AHCTF1: variants seen among roughly 807,000 people sequenced by gnomAD.
AHCTF1 encodes the protein protein ELYS.
AHCTF1 carries 24 observed loss-of-function variants against 248.4 expected under a neutral mutation model. The ratio of observed to expected loss-of-function variants is 0.10; its 90% CI spans 0.07 to 0.14. AHCTF1 has a LOEUF of 0.14. Ranked by LOEUF, AHCTF1 falls within the 10% of genes least tolerant of loss-of-function variation. The pLI is 1.00. For missense variants in AHCTF1, 2,206 were observed against 2,636.2 expected (o/e 0.84, Z 3.57); for synonymous variants, 786 against 929.8 (o/e 0.85, Z 2.81).
chr1:246,839,123 A>T lies in AHCTF1; in HGVS notation c.*1683T>A, dbSNP rs1342251272. ...TTTTAATGAGCAGTGTTTTTATTCA[A>T]GCTATATAAAGACATTTATACGTAA... On this transcript the variant is annotated 3_prime_UTR_variant, in exon 36 of 36. Coordinates refer to ENST00000648844, the MANE Select transcript of AHCTF1 (RefSeq NM_001323342.2). The T allele has an allele frequency of 2.0e-5, 3 of 152,248 alleles. No homozygotes were observed. Among genetic ancestry groups the T allele is most frequent in the Non-Finnish European group, 4.4e-5 (3 of 68,038 alleles). 9.4% of individuals were successfully genotyped at this position (152,248 alleles called of 1,614,324 possible).
At chr1:246,852,963 A>AT (rs1660823147) in intron 32 of AHCTF1, 128 bp downstream of exon 32, 1 of 669,444 alleles carries the variant, frequency 1.5e-6, no homozygotes. Flanking sequence ...TTGAACCCAT[A>AT]TTTTTATAAA....
At chr1:246,899,873 G>A (rs1664871620) in intron 10 of AHCTF1, among the ~76,000 whole-genome samples, 192 bp downstream of exon 10, 1 of 148,122 alleles carries the variant, frequency 6.8e-6, no homozygotes, top group African/African-American at 2.6e-5. Context: ...ATATCTCCAA[G>A]TCATAATTCC....
chr1:246,851,830 T>A (rs1660738617), intron 32 of AHCTF1: 1 of 171,336 alleles, frequency 5.8e-6, no homozygotes, highest in Non-Finnish European at 1.3e-5. Flanking sequence ...TTTAATGGTA[T>A]TCCCCAAATT....
intron 1 of AHCTF1, among the ~76,000 whole-genome samples, chr1:246,922,709 G>A (rs1194105870): frequency 4.6e-5 from 7 of 150,920 alleles, no homozygotes; most frequent in East Asian, 4.0e-4. Context: ...TAGGCTGGGC[G>A]CAGTGGCTCA....
At chr1:246,895,702 T>C in intron 13 of AHCTF1, 133 bp downstream of exon 13, 1 of 710,404 alleles carries the variant, frequency 1.4e-6, no homozygotes, top group Non-Finnish European at 2.3e-6. Context: ...GTGGGATCTC[T>C]CTATTGCATC....
At chr1:246,889,921 CTT>C (rs751945332) in intron 17 of AHCTF1, 43 bp downstream of exon 17, 14 of 1,440,658 alleles carry the variant, frequency 9.7e-6, no homozygotes, top group African/African-American at 1.4e-5. Context: ...TTCTGAGAAA[CTT>C]TGACTTCTTA....
rs763889081 is a variant in AHCTF1, at chr1:246,850,897, G to A, written c.5109C>T (p.Asn1703=). The A allele has an allele frequency of 1.1e-5, 17 of 1,613,838 alleles. No homozygotes were observed. Among genetic ancestry groups the A allele is most frequent in the Non-Finnish European group, 1.4e-5 (16 of 1,179,874 alleles). Residue 1703 remains asparagine (N), a synonymous_variant, in exon 33 of 36, where the codon AAC becomes AAT. Coordinates refer to ENST00000648844, the MANE Select transcript of AHCTF1 (RefSeq NM_001323342.2). Reference sequence around the variant, plus strand: ...TGACCAATTTAGTGGGACACATTATGTTTTGGCTCACTAAAGGTATTGTTT... The same window carrying A: ...TGACCAATTTAGTGGGACACATTATATTTTGGCTCACTAAAGGTATTGTTT... ...IHETIPLVSQ[N]IMCPTKLVKS...
At chr1:246,914,397 T>G (rs1666006042) in intron 3 of AHCTF1, among the ~76,000 whole-genome samples, 1 of 152,166 alleles carries the variant, frequency 6.6e-6, no homozygotes, top group South Asian at 2.1e-4. Flanking sequence ...TTAAAAAGAC[T>G]AAAAGTTGTT....
chr1:246,843,340 CAAGGAATTTGCCTGAATTATTCTT>C (rs1279643218), intron 34 of AHCTF1, among the ~76,000 whole-genome samples: 1 of 152,230 alleles, frequency 6.6e-6, no homozygotes, highest in African/African-American at 2.4e-5. Context: ...GCCTGACAGA[CAAGGAATTTGCCTGAATTATTCTT>C]GTGTAATTTG....
intron 11 of AHCTF1, among the ~76,000 whole-genome samples, chr1:246,898,950 G>C (rs993544802): frequency 2.6e-5 from 4 of 152,142 alleles, no homozygotes; most frequent in Non-Finnish European, 5.9e-5. Flanking sequence ...TTAGCCGGGC[G>C]TGGTGGTGAG....
intron 4 of AHCTF1, among the ~76,000 whole-genome samples, chr1:246,911,923 C>G (rs985396409): frequency 6.6e-6 from 1 of 151,874 alleles, no homozygotes; most frequent in African/African-American, 2.4e-5. Flanking sequence ...GTTTTTATCA[C>G]TTGCAGTTTT....
chr1:246,919,285 C>A (rs1188912196), intron 1 of AHCTF1, among the ~76,000 whole-genome samples: 6 of 152,160 alleles, frequency 3.9e-5, no homozygotes. Flanking sequence ...TAAAGGTGAG[C>A]AAGAACAATA....
Position 246,840,988 on chromosome 1 carries a change from T to C in AHCTF1, c.6619A>G (p.Lys2207Glu), listed in dbSNP as rs1438700851. ...KTKQASKNTE[K>E]ESAWSPPPIE... ...GGAGGAGGTGACCAAGCACTTTCTT[T>C]TTCTGTGTTTCTGAAAAAAAAAGAT... is the stretch of plus-strand genomic sequence containing the variant. Residue 2207 changes from lysine (K) to glutamate (E), a missense_variant, in exon 36 of 36, where the codon AAA becomes GAA. Physicochemically the swap from Lys to Glu is moderately conservative, Grantham distance 56. This residue lies in a region of AHCTF1 where 469 missense variants were observed against 470.0 expected (regional missense o/e 1.00). Coordinates refer to ENST00000648844, the MANE Select transcript of AHCTF1 (RefSeq NM_001323342.2). The C allele has an allele frequency of 1.0e-5, 16 of 1,598,654 alleles. No individual in the cohort carries two copies. Among genetic ancestry groups the C allele is most frequent in the Non-Finnish European group, 1.4e-5 (16 of 1,176,164 alleles).
rs566965571 is a variant in AHCTF1, at chr1:246,848,453, G to GGCCTCCCA, written c.6391+1154_6391+1161dup. Among the ~76,000 whole-genome samples, 622 of 151,784 alleles carry GGCCTCCCA rather than the reference G, an allele frequency of 4.1e-3. 6 individuals are homozygous for GGCCTCCCA. Among genetic ancestry groups the GGCCTCCCA allele is most frequent in the African/African-American group, 0.014 (591 of 41,426 alleles). On this transcript the variant is annotated intron_variant, in intron 33 of 35. Transcript: ENST00000648844. ...CCTGATCTCGTGATCCACCCGCCTT[G>GGCCTCCCA]GCCTCCCAAAGTGCTGGGATTACAG...
chr1:246,875,044 T>C (rs768731649), intron 24 of AHCTF1, among the ~76,000 whole-genome samples: 5 of 82,796 alleles, frequency 6.0e-5, no homozygotes, highest in Non-Finnish European at 1.3e-4. Flanking sequence ...CAACAACTTA[T>C]ATTATAGATA....
At chr1:246,915,598 C>T (rs1666089059) in intron 3 of AHCTF1, among the ~76,000 whole-genome samples, 2 of 152,086 alleles carry the variant, frequency 1.3e-5, no homozygotes, top group Non-Finnish European at 2.9e-5. Context: ...TTAAAGTATT[C>T]ACTATATTTA....
chr1:246,843,956 G>T (rs746749291), intron 33 of AHCTF1, 28 bp from the exon 34 acceptor site: 3 of 1,365,004 alleles, frequency 2.2e-6, no homozygotes, highest in African/African-American at 1.5e-5. Context: ...AACTGTATCT[G>T]TATCTTTATA....
At chr1:246,873,050 A>T (rs1662710001) in intron 24 of AHCTF1, among the ~76,000 whole-genome samples, 2 of 152,160 alleles carry the variant, frequency 1.3e-5, no homozygotes, top group African/African-American at 4.8e-5. Context: ...ATCATTCCTG[A>T]GTGAATCCTG....
At chr1:246,912,272 C>T (rs1022103509) in intron 4 of AHCTF1, among the ~76,000 whole-genome samples, 14 of 151,278 alleles carry the variant, frequency 9.3e-5, no homozygotes, top group Admixed American at 3.3e-4. Flanking sequence ...GTCAAGAGAT[C>T]GAGACCATCC....
Sources: allele counts gnomAD v4.1 joint callset (sites outside exome capture counted in the v4.1 genomes callset), GRCh38; gene constraint gnomAD v4.1.1; regional missense constraint gnomAD v4.1.1; transcripts MANE v1.5; gene names NCBI Gene and HGNC (gene_info 2026-07-23, HGNC 2026-07-21).